The following SEMA3E variants were observed in gnomAD, a reference collection of about 807,000 sequenced individuals.
SEMA3E encodes the protein semaphorin 3E.
In SEMA3E, 49 loss-of-function variants were observed where a neutral mutation model predicts 93.6. The ratio of observed to expected loss-of-function variants is 0.52; its 90% CI spans 0.42 to 0.66. The LOEUF is 0.66. Ranked by LOEUF, SEMA3E falls within the 30% of genes least tolerant of loss-of-function variation. The pLI, the probability that SEMA3E is intolerant of heterozygous loss-of-function variation, is 0.00. For missense variants in SEMA3E, 906 were observed against 964.8 expected (o/e 0.94, Z 0.81); for synonymous variants, 363 against 330.7 (o/e 1.10, Z -1.06).
chr7:83,409,496 G>A (rs1339836508), intron 5 of SEMA3E, among the ~76,000 whole-genome samples: 1 of 152,114 alleles, frequency 6.6e-6, no homozygotes, highest in Non-Finnish European at 1.5e-5. Flanking sequence ...TTAATGAGTG[G>A]CATATAACAT....
intron 1 of SEMA3E, among the ~76,000 whole-genome samples, chr7:83,508,834 A>G (rs997110846): frequency 5.9e-5 from 9 of 152,202 alleles, no homozygotes; most frequent in Non-Finnish European, 1.3e-4. Flanking sequence ...TTAATTTCCA[A>G]TGTAATTGAC....
intron 1 of SEMA3E, among the ~76,000 whole-genome samples, chr7:83,526,219 G>A (rs192408874): frequency 5.9e-5 from 9 of 152,080 alleles, no homozygotes; most frequent in South Asian, 4.2e-4. Context: ...CATGGAGGTC[G>A]GAAAATCCTA....
At chr7:83,452,660 A>G (rs748808790) in intron 4 of SEMA3E, among the ~76,000 whole-genome samples, 7 of 152,226 alleles carry the variant, frequency 4.6e-5, no homozygotes, top group Non-Finnish European at 1.0e-4. Context: ...GACAAAAACT[A>G]GCACAAGGAA....
chr7:83,540,915 GTTTAAATATAGCTA>G (rs1449210496), intron 1 of SEMA3E, among the ~76,000 whole-genome samples: 1 of 152,182 alleles, frequency 6.6e-6, no homozygotes, highest in Non-Finnish European at 1.5e-5. Context: ...CAGGGTGTTT[GTTTAAATATAGCTA>G]TTTTCTGGAA....
chr7:83,592,215 CT>C (rs540735851), intron 1 of SEMA3E, among the ~76,000 whole-genome samples: 1 of 151,838 alleles, frequency 6.6e-6, no homozygotes, highest in Non-Finnish European at 1.5e-5. Flanking sequence ...ATTCGGACAT[CT>C]TTTTTTGCTG....
At position 83,494,073 on chromosome 7, in the gene SEMA3E, A is replaced by C. The variant is rs567150678; in HGVS notation, c.116-3799T>G. ...TTATTTGATTAATTTGCCTCTTTCC[A>C]AAAAGGATCTGAGATGACTTATACA... On this transcript the variant is annotated intron_variant, in intron 1 of 16. Coordinates refer to ENST00000643230, the MANE Select transcript of SEMA3E (RefSeq NM_012431.3). 2.6e-5 allele frequency among the ~76,000 whole-genome samples: 4 copies of C among 151,998 alleles called. No individual in the cohort carries two copies. The East Asian group carries it at 7.7e-4, about 29-fold the overall frequency.
chr7:83,495,255 A>G (rs1201428962), intron 1 of SEMA3E, among the ~76,000 whole-genome samples: 1 of 151,874 alleles, frequency 6.6e-6, no homozygotes, highest in Non-Finnish European at 1.5e-5. Flanking sequence ...CAAATATGAA[A>G]ATTTGAGTCT....
intron 5 of SEMA3E, among the ~76,000 whole-genome samples, chr7:83,413,648 T>C (rs1174444034): frequency 6.6e-6 from 1 of 152,196 alleles, no homozygotes; most frequent in African/African-American, 2.4e-5. Context: ...AATGTGAGAT[T>C]CTGAATGTGT....
At chr7:83,466,659 T>C (rs1789766496) in intron 3 of SEMA3E, 58 bp from the exon 4 acceptor site, 4 of 1,600,262 alleles carry the variant, frequency 2.5e-6, no homozygotes, top group Non-Finnish European at 2.5e-6. Context: ...TTTCGTCCTT[T>C]TTGATTTTTG....
chr7:83,525,648 T>G (rs1791140954), intron 1 of SEMA3E, among the ~76,000 whole-genome samples: 1 of 152,066 alleles, frequency 6.6e-6, no homozygotes, highest in Non-Finnish European at 1.5e-5. Flanking sequence ...AGAGCTGTTT[T>G]ATTTTCTGCT....
At chr7:83,621,469 A>G (rs191263552) in intron 1 of SEMA3E, among the ~76,000 whole-genome samples, 1 of 152,238 alleles carries the variant, frequency 6.6e-6, no homozygotes, top group East Asian at 1.9e-4. Flanking sequence ...TACCACTGAC[A>G]TTCTTCACAG....
rs1376820604 is a variant in SEMA3E at position 83,363,999 on chromosome 7, A to T, written c.*3587T>A. 6.9e-6 allele frequency: 1 copy of T among 144,846 alleles called. No homozygotes were observed. Among genetic ancestry groups the T allele is most frequent in the Non-Finnish European group, 1.5e-5 (1 of 66,916 alleles). The allele number at this position is 144,846 out of a possible 1,614,324, so 9.0% of individuals were successfully genotyped here. ...AAGCTCCGCTTCCCGGGTTCACGCCATTCTCCTGCCTCAGCCTCCCAAGTA... is the reference window on the plus strand; with the variant it reads ...AAGCTCCGCTTCCCGGGTTCACGCCTTTCTCCTGCCTCAGCCTCCCAAGTA... On this transcript the variant is annotated 3_prime_UTR_variant, in exon 17 of 17. Coordinates refer to ENST00000643230, the MANE Select transcript of SEMA3E (RefSeq NM_012431.3).
intron 1 of SEMA3E, among the ~76,000 whole-genome samples, chr7:83,511,802 C>T (rs7801561): frequency 0.14 from 20,922 of 151,802 alleles, 1,727 homozygotes; most frequent in South Asian, 0.24. Flanking sequence ...GGCTGAGGCA[C>T]GAGAATCGCT....
intron 1 of SEMA3E, among the ~76,000 whole-genome samples, chr7:83,566,989 T>A (rs754512916): frequency 1.3e-5 from 2 of 152,132 alleles, no homozygotes; most frequent in South Asian, 4.1e-4. Context: ...ATTGTATGAG[T>A]GAAAGAAGAA....
chr7:83,608,105 CG>C (rs1215316078), intron 1 of SEMA3E, among the ~76,000 whole-genome samples: 1 of 151,756 alleles, frequency 6.6e-6, no homozygotes, highest in Non-Finnish European at 1.5e-5. Context: ...CCTAGACACT[CG>C]GGAGGCTGAG....
intron 1 of SEMA3E, among the ~76,000 whole-genome samples, chr7:83,633,771 A>C (rs3801576): frequency 6.6e-6 from 1 of 152,128 alleles, no homozygotes; most frequent in Non-Finnish European, 1.5e-5. Context: ...GAGGAAAAAA[A>C]AAATAGTCAT....
chr7:83,498,667 C>CG (rs1790539625), intron 1 of SEMA3E, among the ~76,000 whole-genome samples: 1 of 151,890 alleles, frequency 6.6e-6, no homozygotes, highest in East Asian at 1.9e-4. Context: ...TTAGTAGAGA[C>CG]GGGGTCTCAC....
intron 5 of SEMA3E, among the ~76,000 whole-genome samples, chr7:83,416,248 G>C (rs1190572500): frequency 1.3e-5 from 2 of 151,964 alleles, no homozygotes; most frequent in African/African-American, 4.8e-5. Flanking sequence ...TTTGTGTTTA[G>C]CTTGGAGGGC....
At chr7:83,525,784 G>A (rs981266995) in intron 1 of SEMA3E, among the ~76,000 whole-genome samples, 1 of 128,560 alleles carries the variant, frequency 7.8e-6, no homozygotes, top group African/African-American at 2.9e-5. Flanking sequence ...GTTTGTTTGG[G>A]TTTTTTTTTT....
Sources: allele counts gnomAD v4.1 joint callset (sites outside exome capture counted in the v4.1 genomes callset), GRCh38; gene constraint gnomAD v4.1.1; transcripts MANE v1.5; gene names NCBI Gene and HGNC (gene_info 2026-07-23, HGNC 2026-07-21).